Variants in ESR2 observed in about 807,000 individuals in gnomAD.
ESR2 encodes estrogen receptor 2.
A neutral mutation model predicts 49.6 loss-of-function variants in ESR2; 36 were observed. The ratio of observed to expected loss-of-function variants is 0.73; its 90% confidence interval spans 0.56 to 0.96. The LOEUF (loss-of-function observed/expected upper bound fraction) is 0.96, where lower values mean the gene tolerates loss of function less well. Ranked by LOEUF, ESR2 falls within the 40% of genes least tolerant of loss-of-function variation. ESR2 has a pLI of 0.00. For missense variants in ESR2, 714 were observed against 693.0 expected (o/e 1.03, Z -0.34); for synonymous variants, 320 against 266.1 (o/e 1.20, Z -1.97).
upstream of ESR2, among the ~76,000 whole-genome samples, chr14:64,298,992 GAA>G (rs77353728): frequency 1.2e-3 from 125 of 108,218 alleles, no homozygotes; most frequent in African/African-American, 3.6e-3. Flanking sequence ...ACCCAGTTAA[GAA>G]AAAAAAAAAA....
chr14:64,321,474 T>C (rs1384038818), intron 1 of ESR2, among the ~76,000 whole-genome samples: 2 of 152,030 alleles, frequency 1.3e-5, no homozygotes, highest in African/African-American at 4.8e-5. Context: ...TTTAATCACA[T>C]AAACAAAATG....
chr14:64,239,166 C>CA (rs1240731513), intron 7 of ESR2, among the ~76,000 whole-genome samples: 1 of 152,206 alleles, frequency 6.6e-6, no homozygotes, highest in Non-Finnish European at 1.5e-5. Flanking sequence ...CTCCTGCCCC[C>CA]AGCACATGAG....
chr14:64,268,322 A>G (rs2076372614), intron 4 of ESR2, among the ~76,000 whole-genome samples: 1 of 152,220 alleles, frequency 6.6e-6, no homozygotes, highest in Non-Finnish European at 1.5e-5. Flanking sequence ...ACTTCTAGAA[A>G]GCTAGACGAG....
intron 6 of ESR2, among the ~76,000 whole-genome samples, chr14:64,253,851 A>C (rs2076043998): frequency 6.6e-6 from 1 of 152,158 alleles, no homozygotes; most frequent in African/African-American, 2.4e-5. Flanking sequence ...ATGGGATCCA[A>C]GCCAGATACA....
chr14:64,260,712 C>T lies in ESR2; in HGVS notation c.689G>A (p.Arg230Gln), dbSNP rs752856261. 2.1e-5 allele frequency: 33 copies of T among 1,541,034 alleles called. No individual in the cohort carries two copies. In the Admixed American group the frequency reaches 5.3e-4, roughly 25 times the overall value. Reference protein sequence around the residue: ...RRERCGYRLVRRQRSADEQLH... With the variant: ...RRERCGYRLVQRQRSADEQLH... ...CTGCTCGTCGGCACTTCTCTGTCTCCGCACAAGGCGGTACCCACATCTCTC... is the reference window on the plus strand; with the variant it reads ...CTGCTCGTCGGCACTTCTCTGTCTCTGCACAAGGCGGTACCCACATCTCTC... Residue 230 changes from arginine (R) to glutamine (Q), a missense_variant, in exon 5 of 9, where the codon CGG (arginine) becomes CAG (glutamine). Physicochemically the swap from Arg to Gln is conservative, Grantham distance 43. Transcript: ENST00000341099.
At chr14:64,228,185 AG>A, downstream of ESR2, 1 of 599,106 alleles carries the variant, frequency 1.7e-6, no homozygotes, top group Non-Finnish European at 2.6e-6. Context: ...GCCCTTTCCC[AG>A]GAAGACTAGC....
intron 7 of ESR2, among the ~76,000 whole-genome samples, chr14:64,242,853 T>C (rs936551600): frequency 7.0e-6 from 1 of 143,256 alleles, no homozygotes; most frequent in African/African-American, 2.7e-5. Context: ...AAAAGAAAGG[T>C]TTATTGGACT....
intron 8 of ESR2, 33 bp from the exon 9 acceptor site, chr14:64,233,356 C>G: frequency 6.3e-7 from 1 of 1,589,896 alleles, no homozygotes; most frequent in East Asian, 2.3e-5. Flanking sequence ...AGATTCCCTC[C>G]TCCGAGGCAG....
intron 4 of ESR2, among the ~76,000 whole-genome samples, chr14:64,267,883 CAA>C (rs397691951): frequency 3.1e-4 from 25 of 79,504 alleles, no homozygotes; most frequent in Non-Finnish European, 2.5e-4. Context: ...GACTCCATCT[CAA>C]AAAAAAAAAA....
In ESR2 at chr14:64,233,153, T is replaced by C; in HGVS notation, c.1577A>G (p.Asn526Ser). The change falls in exon 9 of 9, where the codon AAC (asparagine) becomes AGC (serine). Residue 526 changes from asparagine (N) to serine (S), a missense_variant. By Grantham distance (46) the Asn-to-Ser change is conservative (BLOSUM62 1). Transcript: ENST00000341099. ...GGCCAGGCGTCACTGAGACTGTGGG[T>C]TCTGGGAGCCCTCTTTGCTTTTACT... ...EDSKSKEGSQ[N>S]PQSQ 6.2e-7 allele frequency: 1 copy of C among 1,613,566 alleles called. No individual in the cohort carries two copies. Among genetic ancestry groups the C allele is most frequent in the Non-Finnish European group, 8.5e-7 (1 of 1,179,630 alleles).
chr14:64,262,306 G>T (rs1378884696), intron 4 of ESR2, among the ~76,000 whole-genome samples: 1 of 151,644 alleles, frequency 6.6e-6, no homozygotes, highest in African/African-American at 2.4e-5. Context: ...GTAAAGACAG[G>T]GTCTCACCAT....
intron 5 of ESR2, chr14:64,260,115 G>A (rs576680307): frequency 3.8e-6 from 2 of 523,742 alleles, no homozygotes; most frequent in East Asian, 5.0e-5. Context: ...GATAGGGTTT[G>A]TGCAAGGTGG....
chr14:64,268,529 A>G (rs530138782), intron 4 of ESR2, among the ~76,000 whole-genome samples: 1 of 152,256 alleles, frequency 6.6e-6, no homozygotes, highest in African/African-American at 2.4e-5. Flanking sequence ...CTGGTGGCCT[A>G]TTCTGTGGTC....
Position 64,288,174 on chromosome 14 carries a change from T to C in ESR2, c.-90-5099A>G, listed in dbSNP as rs192261100. Among the ~76,000 whole-genome samples, 562 of 152,194 alleles carry C rather than the reference T, an allele frequency of 3.7e-3. 4 individuals carry two copies. The highest frequency in any genetic ancestry group is 6.7e-3 in the Admixed American group (103 of 15,272). On this transcript the variant is annotated intron_variant, in intron 1 of 8. Coordinates refer to ENST00000341099, the MANE Select transcript of ESR2 (RefSeq NM_001437.3). ...CACATCTGAATTCAGCCAGAAAGCT[T>C]TTTGTACACATGGGATCGTGCATGG...
chr14:64,263,571 C>T (rs770744310), intron 4 of ESR2, among the ~76,000 whole-genome samples: 5 of 152,016 alleles, frequency 3.3e-5, no homozygotes, highest in African/African-American at 7.3e-5. Flanking sequence ...GCAGGAGAGT[C>T]GCACAAACCC....
At position 64,280,342 on chromosome 14, in the gene ESR2, G is replaced by A. The variant is rs147342986; in HGVS notation, c.363-189C>T. ...TGATATCATATCTACAAAGAGCCAC[G>A]CTGTGGGGAATGACTAATGTTTGAA... is the stretch of plus-strand genomic sequence containing the variant. On this transcript the variant is annotated intron_variant, in intron 2 of 8. Coordinates refer to ENST00000341099, the MANE Select transcript of ESR2 (RefSeq NM_001437.3). Among the ~76,000 whole-genome samples, 214 of 152,272 alleles carry A rather than the reference G, an allele frequency of 1.4e-3. 1 individual carries two copies. Among genetic ancestry groups the A allele is most frequent in the Non-Finnish European group, 2.6e-3 (176 of 68,030 alleles).
At chr14:64,227,659 G>A (rs562231691), downstream of ESR2, 4 of 1,613,620 alleles carry the variant, frequency 2.5e-6, no homozygotes, top group Admixed American at 1.7e-5. Flanking sequence ...GTGAAAGGAA[G>A]TGTGGTCTGC....
At chr14:64,306,760 G>C (rs2077105163) in intron 1 of ESR2, among the ~76,000 whole-genome samples, 1 of 152,150 alleles carries the variant, frequency 6.6e-6, no homozygotes, top group Non-Finnish European at 1.5e-5. Flanking sequence ...TCTTTGTCAG[G>C]TTTTGGTATC....
intron 1 of ESR2, among the ~76,000 whole-genome samples, chr14:64,315,407 C>T (rs1054471018): frequency 4.0e-5 from 6 of 151,854 alleles, no homozygotes; most frequent in Non-Finnish European, 8.8e-5. Context: ...ATTAAATGAA[C>T]CAATTCTTTG....
Sources: allele counts gnomAD v4.1 joint callset (sites outside exome capture counted in the v4.1 genomes callset), GRCh38; gene constraint gnomAD v4.1.1; transcripts MANE v1.5; gene names NCBI Gene and HGNC (gene_info 2026-07-23, HGNC 2026-07-21).